Variants in CTXN3 observed in about 807,000 individuals in gnomAD.
CTXN3 encodes cortexin-3.
Under a neutral mutation model 5.0 loss-of-function variants are expected in CTXN3, and 4 were observed. The ratio of observed to expected loss-of-function variants is 0.79; its 90% CI spans 0.39 to 1.82. CTXN3 has a LOEUF of 1.82. Among genes scored for constraint, CTXN3 ranks in the 40% most tolerant of loss-of-function variants. The pLI is 0.04. For missense variants in CTXN3, 89 were observed against 99.7 expected (o/e 0.89, Z 0.46); for synonymous variants, 48 against 38.6 (o/e 1.24, Z -0.91).
chr5:127,649,810 C>T (rs534511665), intron 1 of CTXN3, among the ~76,000 whole-genome samples: 6 of 152,032 alleles, frequency 3.9e-5, no homozygotes, highest in Admixed American at 1.3e-4. Context: ...ATATTGACAG[C>T]GTTGACTGTC....
intron 2 of CTXN3, among the ~76,000 whole-genome samples, chr5:127,656,078 T>G (rs1749901033): frequency 6.6e-6 from 1 of 152,208 alleles, no homozygotes; most frequent in African/African-American, 2.4e-5. Flanking sequence ...ACATATTCTA[T>G]TTTTATTTGG....
rs248706 is a variant in CTXN3, at chr5:127,658,266, C to T, written c.*499C>T. The T allele has an allele frequency of 0.68, 115,098 of 168,192 alleles. 39,699 individuals carry two copies. Among genetic ancestry groups the T allele is most frequent in the African/African-American group, 0.76 (31,677 of 41,500 alleles). The allele number at this position is 168,192 out of a possible 1,614,324, so 10.4% of individuals were successfully genotyped here. A position where few individuals can be genotyped will look rare whatever the true frequency, so the allele number is the denominator to read the frequency against. On this transcript the variant is annotated 3_prime_UTR_variant, in exon 3 of 3. Coordinates refer to ENST00000379445, the MANE Select transcript of CTXN3 (RefSeq NM_001048252.3). The stretch of plus-strand genomic sequence containing the variant: ...CCCAAAGTAGTTTCTTGTTTTCTCC[C>T]AAAGCAGGGAGCTTTGGGAAGCAAT...
intron 1 of CTXN3, chr5:127,651,932 A>T (rs1468138506): frequency 6.6e-6 from 1 of 152,208 alleles, no homozygotes; most frequent in Non-Finnish European, 1.5e-5. Flanking sequence ...AATGAAATAA[A>T]ATGTCCAAGG....
chr5:127,658,345 G>GT lies in CTXN3; in HGVS notation c.*582dup, dbSNP rs1669315539. On this transcript the variant is annotated 3_prime_UTR_variant, in exon 3 of 3. Transcript: ENST00000379445. ...CTTGGTAAATGTGAGTGAGAATAGC[G>GT]TTTTGTTTTTCAAGTAAAACTTAAT... 3 of 167,354 alleles carry GT rather than the reference G, an allele frequency of 1.8e-5. No homozygotes were observed. The highest frequency in any genetic ancestry group is 7.2e-5 in the African/African-American group (3 of 41,422). 10.4% of individuals were successfully genotyped at this position (167,354 alleles called of 1,614,324 possible).
Position 127,657,995 on chromosome 5 carries a change from T to G in CTXN3, c.*228T>G, listed in dbSNP as rs1258406240. 3 of 528,514 alleles carry G rather than the reference T, an allele frequency of 5.7e-6. No homozygotes were observed. In the African/African-American group the frequency reaches 5.8e-5, roughly 10 times the overall value. The allele number at this position is 528,514 out of a possible 1,614,324, so 32.7% of individuals were successfully genotyped here. On this transcript the variant is annotated 3_prime_UTR_variant, in exon 3 of 3. Coordinates refer to ENST00000379445, the MANE Select transcript of CTXN3 (RefSeq NM_001048252.3). ...AGAAGGTTTAAATTTTTATGTTTGC[T>G]CAATGAATGAGTACTCTTAAAATTG... is the stretch of plus-strand genomic sequence containing the variant.
intron 1 of CTXN3, among the ~76,000 whole-genome samples, chr5:127,651,470 G>A (rs899202046): frequency 1.2e-4 from 18 of 152,136 alleles, no homozygotes; most frequent in South Asian, 4.1e-4. Flanking sequence ...ATCATTTGGC[G>A]TTGGGGTGGT....
rs778350511 is a variant in CTXN3 at position 127,653,422 on chromosome 5, C to T, written c.-101C>T. 3.3e-5 allele frequency: 5 copies of T among 152,146 alleles called. No individual in the cohort carries two copies. Among genetic ancestry groups the T allele is most frequent in the Non-Finnish European group, 7.3e-5 (5 of 68,032 alleles). 9.4% of individuals were successfully genotyped at this position (152,146 alleles called of 1,614,324 possible). A position where few individuals can be genotyped will look rare whatever the true frequency, so the allele number is the denominator to read the frequency against. The stretch of plus-strand genomic sequence containing the variant: ...AAAGCCTATCAGGATTAAAATATGG[C>T]TGTGAGTAACTGTGGTCCTTCTTTA... On this transcript the variant is annotated splice_region_variant and 5_prime_UTR_variant, in exon 2 of 3. Coordinates refer to ENST00000379445, the MANE Select transcript of CTXN3 (RefSeq NM_001048252.3).
At chr5:127,649,629 G>A (rs1749742238) in intron 1 of CTXN3, among the ~76,000 whole-genome samples, 1 of 152,162 alleles carries the variant, frequency 6.6e-6, no homozygotes, top group African/African-American at 2.4e-5. Flanking sequence ...GATACTGGAT[G>A]AAGAAGTAGT....
At chr5:127,656,876 CAGAACCCAATGCTCCTGGAG>C (rs1350662548) in intron 2 of CTXN3, among the ~76,000 whole-genome samples, 3 of 152,170 alleles carry the variant, frequency 2.0e-5, no homozygotes, top group Admixed American at 6.5e-5. Context: ...GCCCGGAGCC[CAGAACCCAATGCTCCTGGAG>C]AAGGTTTCTA....
intron 2 of CTXN3, among the ~76,000 whole-genome samples, chr5:127,655,338 T>C (rs1749883450): frequency 6.6e-6 from 1 of 152,206 alleles, no homozygotes; most frequent in African/African-American, 2.4e-5. Flanking sequence ...AACAGGACTC[T>C]GGCCTCATTT....
At chr5:127,656,153 T>C (rs1199367314) in intron 2 of CTXN3, among the ~76,000 whole-genome samples, 2 of 152,262 alleles carry the variant, frequency 1.3e-5, no homozygotes, top group East Asian at 3.9e-4. Flanking sequence ...TACTGTGCTT[T>C]GTAATTTTTA....
chr5:127,657,923 C>G lies in CTXN3; in HGVS notation c.*156C>G. On this transcript the variant is annotated 3_prime_UTR_variant, in exon 3 of 3. Transcript: ENST00000379445. ...CATAAATATGCAGTTGGGTTAAAGA[C>G]ATTTGAGGATGTTGGAAATGGACAC... The G allele has an allele frequency of 3.5e-6, 3 of 866,614 alleles. No individual in the cohort carries two copies. The highest frequency in any genetic ancestry group is 5.3e-6 in the Non-Finnish European group (3 of 568,098). 53.7% of individuals were successfully genotyped at this position (866,614 alleles called of 1,614,324 possible).
intron 2 of CTXN3, among the ~76,000 whole-genome samples, chr5:127,656,684 G>A (rs1441197842): frequency 1.3e-5 from 2 of 152,194 alleles, no homozygotes; most frequent in African/African-American, 4.8e-5. Context: ...AGCTCCCTTA[G>A]TTGTGTCTTA....
intron 1 of CTXN3, chr5:127,651,946 C>T (rs1479815086): frequency 6.6e-6 from 1 of 152,060 alleles, no homozygotes. Flanking sequence ...TCCAAGGGAT[C>T]CAAGCCTGAG....
At chr5:127,651,393 C>T (rs574628244) in intron 1 of CTXN3, among the ~76,000 whole-genome samples, 15 of 152,162 alleles carry the variant, frequency 9.9e-5, no homozygotes, top group South Asian at 8.3e-4. Context: ...CCCTACAGGC[C>T]GTTAACACCT....
rs1247234077 is a variant in CTXN3 at position 127,657,669 on chromosome 5, C to T, written c.148C>T (p.Arg50Trp). ...GGGCATTCTCATTGTCCGGTGCTTC[C>T]GGATTCTTTTGGATCCATATCGAAG... ...FLGILIVRCFRILLDPYRSMP... is the reference protein window; with the variant it reads ...FLGILIVRCFWILLDPYRSMP... Residue 50 changes from arginine to tryptophan, a missense_variant, in exon 3 of 3, where the codon CGG (arginine) becomes TGG (tryptophan). By Grantham distance (101) the Arg-to-Trp change is moderately radical. Transcript: ENST00000379445. The T allele has an allele frequency of 1.8e-5, 29 of 1,614,040 alleles. No individual in the cohort carries two copies. Among genetic ancestry groups the T allele is most frequent in the Admixed American group, 3.3e-5 (2 of 60,008 alleles).
At chr5:127,653,088 A>G (rs1379407801) in intron 1 of CTXN3, 3 of 152,184 alleles carry the variant, frequency 2.0e-5, no homozygotes, top group African/African-American at 2.4e-5. Flanking sequence ...TGTAGGAAGC[A>G]TGGGCAAGGG....
chr5:127,650,319 C>G (rs1749758645), intron 1 of CTXN3, among the ~76,000 whole-genome samples: 1 of 152,088 alleles, frequency 6.6e-6, no homozygotes, highest in Non-Finnish European at 1.5e-5. Context: ...ACATCTGTAG[C>G]TGAAGACATC....
Position 127,658,598 on chromosome 5 carries a change from A to G in CTXN3, c.*831A>G, listed in dbSNP as rs778479316. ...CAGAGGAATGTGTATTTATGATTGT[A>G]TATAGTCACCAAATAAAACTTTTCA... is the stretch of plus-strand genomic sequence containing the variant. On this transcript the variant is annotated 3_prime_UTR_variant, in exon 3 of 3. Transcript: ENST00000379445. 1 of 167,028 alleles carries G rather than the reference A, an allele frequency of 6.0e-6. No homozygotes were observed. The highest frequency in any genetic ancestry group is 2.4e-5 in the African/African-American group (1 of 41,460). 10.3% of individuals were successfully genotyped at this position (167,028 alleles called of 1,614,324 possible).
Sources: allele counts gnomAD v4.1 joint callset (sites outside exome capture counted in the v4.1 genomes callset), GRCh38; gene constraint gnomAD v4.1.1; transcripts MANE v1.5; gene names NCBI Gene and HGNC (gene_info 2026-07-23, HGNC 2026-07-21).